The following DMD variants were observed in gnomAD, a reference collection of about 807,000 sequenced individuals.
The protein encoded by DMD is mutant dystrophin.
Under a neutral mutation model 330.1 loss-of-function variants are expected in DMD, and 63 were observed. That is an observed-to-expected ratio of 0.19 (90% confidence interval 0.16 to 0.24). The LOEUF (loss-of-function observed/expected upper bound fraction) is 0.24. Among genes scored for constraint, DMD ranks in the 10% least tolerant of loss-of-function variants. DMD has a pLI of 1.00. For synonymous variants in DMD, 1,223 were observed against 959.8 expected, an observed-to-expected ratio of 1.27 and a Z score of -5.07; for missense variants, 3,344 against 2,684.1, an observed-to-expected ratio of 1.25 and a Z score of -5.43.
intron 58 of DMD, 126 bp from the exon 59 acceptor site, chrX:31,478,500 T>C: frequency 2.1e-6 from 2 of 938,750 alleles, no homozygotes; most frequent in African/African-American, 1.9e-5. Context: ...TAACGGCTTT[T>C]TTATACTTTG....
intron 44 of DMD, among the ~76,000 whole-genome samples, chrX:32,127,700 C>T (rs941055081): frequency 2.7e-5 from 3 of 111,783 alleles, no homozygotes; most frequent in East Asian, 5.6e-4. Context: ...AAAAGCATTC[C>T]GATAAATAAA....
chrX:31,832,825 T>C lies in DMD; in HGVS notation c.7200+3893A>G, dbSNP rs1277482168. Among the ~76,000 whole-genome samples, 4 of 112,387 alleles carry C rather than the reference T, an allele frequency of 3.6e-5. No individual in the cohort carries two copies. In the Admixed American group the frequency reaches 3.8e-4, roughly 11 times the overall value. On this transcript the variant is annotated intron_variant, in intron 49 of 78. Coordinates refer to ENST00000357033, the MANE Select transcript of DMD (RefSeq NM_004006.3). ...TAATACATGGCAGGTGATGTAAGCA[T>C]TGAAAGTACATAAACATATTTTTAA...
intron 44 of DMD, among the ~76,000 whole-genome samples, chrX:32,136,953 T>C (rs1944143669): frequency 9.0e-6 from 1 of 111,314 alleles, no homozygotes; most frequent in Admixed American, 9.5e-5. Context: ...GGCACATGTA[T>C]ACATATGTAA....
intron 63 of DMD, among the ~76,000 whole-genome samples, chrX:31,246,168 C>A (rs2048814800): frequency 8.9e-6 from 1 of 112,384 alleles, no homozygotes; most frequent in South Asian, 3.7e-4. Context: ...AATAGAAGAT[C>A]AAACTAGCCA....
intron 1 of DMD, among the ~76,000 whole-genome samples, chrX:33,120,250 G>A (rs907368759): frequency 1.8e-5 from 2 of 111,882 alleles, no homozygotes; most frequent in East Asian, 5.6e-4. Flanking sequence ...ATTAGGAAAG[G>A]TAAGGAGGCA....
At chrX:32,805,189 C>T (rs981494619) in intron 7 of DMD, among the ~76,000 whole-genome samples, 1 of 111,404 alleles carries the variant, frequency 9.0e-6, no homozygotes, top group African/African-American at 3.3e-5. Context: ...ATGTTCTAAC[C>T]CAATGGAAGG....
At chrX:32,656,479 C>G (rs1015791106) in intron 9 of DMD, among the ~76,000 whole-genome samples, 2 of 112,051 alleles carry the variant, frequency 1.8e-5, no homozygotes, top group Non-Finnish European at 3.8e-5. Context: ...GTTAGTGCCA[C>G]GAAACCTACA....
At chrX:31,171,461 A>G (rs185811311) in intron 73 of DMD, among the ~76,000 whole-genome samples, 119 of 104,071 alleles carry the variant, frequency 1.1e-3, no homozygotes, top group African/African-American at 3.7e-3. Flanking sequence ...TATATTCTCC[A>G]AGATGGGTGA....
intron 5 of DMD, among the ~76,000 whole-genome samples, chrX:32,820,131 G>T (rs192294811): frequency 8.9e-6 from 1 of 112,036 alleles, no homozygotes; most frequent in Admixed American, 9.5e-5. Flanking sequence ...TTGCAAAAGC[G>T]CCTCCACATG....
At chrX:33,254,989 C>A (rs1055349981) in intron 1 of DMD, among the ~76,000 whole-genome samples, 1 of 110,549 alleles carries the variant, frequency 9.0e-6, no homozygotes, top group African/African-American at 3.3e-5. Context: ...TATATTTGTG[C>A]ATTATTTTAT....
In DMD at chrX:32,349,715, T is replaced by C. The variant is rs150144715; in HGVS notation, c.5326-1187A>G. On this transcript the variant is annotated intron_variant, in intron 37 of 78. Coordinates refer to ENST00000357033, the MANE Select transcript of DMD (RefSeq NM_004006.3). ...TATTCATGATGACATGATTCTCATA[T>C]GCAACATGAATAACCACATATCTTC... Among the ~76,000 whole-genome samples the C allele has an allele frequency of 3.9e-3, 437 of 112,144 alleles. 14 individuals carry two copies. In the East Asian group the frequency reaches 0.099, roughly 25 times the overall value.
At position 32,229,847 on chromosome X, in the gene DMD, G is replaced by A. The variant is rs763009567; in HGVS notation, c.6291-12784C>T. On this transcript the variant is annotated intron_variant, in intron 43 of 78. Coordinates refer to ENST00000357033, the MANE Select transcript of DMD (RefSeq NM_004006.3). ...CCCCTTTATTATTGTTGTTACTGGT[G>A]GTAAGAACACAACATAAGATTTCTT... is the stretch of plus-strand genomic sequence containing the variant. Among the ~76,000 whole-genome samples, 481 of 104,459 alleles carry A rather than the reference G, an allele frequency of 4.6e-3. 3 individuals carry two copies. The highest frequency in any genetic ancestry group is 0.016 in the African/African-American group (464 of 28,738). The allele number at this position is 104,459 out of a possible 115,157, so 90.7% of individuals were successfully genotyped here.
chrX:32,355,204 A>G lies in DMD; in HGVS notation c.5326-6676T>C, dbSNP rs373316174. Among the ~76,000 whole-genome samples the G allele has an allele frequency of 3.6e-5, 4 of 111,285 alleles. No homozygotes were observed. The East Asian group carries it at 1.1e-3, about 31-fold the overall frequency. ...AAATTGGGTATGTTTATACTAACACATAGTAGACCAACAAAAACTACTTTA... is the reference window on the plus strand; with the variant it reads ...AAATTGGGTATGTTTATACTAACACGTAGTAGACCAACAAAAACTACTTTA... On this transcript the variant is annotated intron_variant, in intron 37 of 78. Transcript: ENST00000357033.
chrX:31,683,628 G>A (rs1603446460), intron 52 of DMD, among the ~76,000 whole-genome samples: 1 of 111,757 alleles, frequency 8.9e-6, no homozygotes, highest in Admixed American at 9.5e-5. Context: ...GCCCAACACC[G>A]GGCTGGGAAT....
intron 53 of DMD, among the ~76,000 whole-genome samples, chrX:31,677,337 GCCCTAGT>G (rs2082138314): frequency 9.0e-6 from 1 of 111,191 alleles, no homozygotes; most frequent in Non-Finnish European, 1.9e-5. Flanking sequence ...GAGTCCTCTT[GCCCTAGT>G]CAAATCTATC....
At chrX:31,229,127 G>A (rs1159503181) in intron 63 of DMD, among the ~76,000 whole-genome samples, 1 of 111,835 alleles carries the variant, frequency 8.9e-6, no homozygotes, top group African/African-American at 3.3e-5. Context: ...AATAGTAGCA[G>A]GTGTCAAAAT....
At chrX:32,728,252 C>T (rs1381927790) in intron 7 of DMD, among the ~76,000 whole-genome samples, 1 of 111,612 alleles carries the variant, frequency 9.0e-6, no homozygotes, top group Non-Finnish European at 1.9e-5. Context: ...TTGCCAGACA[C>T]TCCAGAGTAA....
chrX:32,992,415 T>C (rs1439406083), intron 2 of DMD, among the ~76,000 whole-genome samples: 5 of 111,499 alleles, frequency 4.5e-5, no homozygotes, highest in Non-Finnish European at 9.4e-5. Flanking sequence ...ATTTTAATCA[T>C]TTTGATTGTA....
intron 3 of DMD, 86 bp from the exon 4 acceptor site, chrX:32,844,946 A>C: frequency 1.3e-6 from 1 of 765,636 alleles, no homozygotes. Context: ...TTTCACTATT[A>C]AGCTTGAATA....
Sources: gnomAD v4.1 joint callset for allele counts (sites outside exome capture counted in the v4.1 genomes callset) on GRCh38, gnomAD v4.1.1 for gene constraint, MANE v1.5 for transcripts, NCBI Gene and HGNC (gene_info 2026-07-23, HGNC 2026-07-21) for gene names.